DNAAF11: variants seen among roughly 807,000 people sequenced by gnomAD.
DNAAF11 encodes the protein leucine rich repeat containing 6.
A neutral mutation model predicts 60.8 loss-of-function variants in DNAAF11; 45 were observed. The observed-to-expected ratio is 0.74, with a 90% confidence interval of 0.58 to 0.95. The LOEUF (loss-of-function observed/expected upper bound fraction) is 0.95, where lower values mean the gene tolerates loss of function less well. Ranked by LOEUF, DNAAF11 falls within the 40% of genes least tolerant of loss-of-function variation. The pLI is 0.00. For missense variants in DNAAF11, 546 were observed against 546.2 expected, an observed-to-expected ratio of 1.00 and a Z score of 0.00; for synonymous variants, 191 against 183.5, an observed-to-expected ratio of 1.04 and a Z score of -0.33.
At chr8:132,597,606 A>AC (rs1230315340) in intron 10 of DNAAF11, among the ~76,000 whole-genome samples, 5 of 152,114 alleles carry the variant, frequency 3.3e-5, no homozygotes, top group Admixed American at 1.3e-4. Flanking sequence ...AGAAAAGACA[A>AC]CCCCTTGGTC....
At chr8:132,695,698 C>A in the DNAAF11 span, among the ~76,000 whole-genome samples, 1 of 151,696 alleles carries the variant, frequency 6.6e-6, no homozygotes, top group Non-Finnish European at 1.5e-5. Flanking sequence ...CACCACCAAA[C>A]ACACCATGAG....
intron 3 of DNAAF11, among the ~76,000 whole-genome samples, chr8:132,651,804 C>G (rs1344000980): frequency 2.0e-5 from 3 of 152,128 alleles, no homozygotes; most frequent in African/African-American, 4.8e-5. Context: ...CATGGACATA[C>G]AGTAAATTTT....
intron 3 of DNAAF11, among the ~76,000 whole-genome samples, chr8:132,647,277 AG>A (rs1406727585): frequency 5.3e-5 from 8 of 152,232 alleles, no homozygotes; most frequent in Non-Finnish European, 8.8e-5. Context: ...GCAGAAATAA[AG>A]ATGAGAAACC....
intron 5 of DNAAF11, among the ~76,000 whole-genome samples, chr8:132,628,269 G>A (rs1444770519): frequency 2.6e-5 from 4 of 151,974 alleles, no homozygotes; most frequent in Admixed American, 6.6e-5. Flanking sequence ...AAAATTACTC[G>A]GGCATGGTGG....
rs111659895 is a variant in DNAAF11 at position 132,582,938 on chromosome 8, T to C, written c.1226+756A>G. ...AGAAGAACTGAGAAAGGGGAGAGCTTTGTGCAAATTACTTTAAGGGATGTC... is the reference window on the plus strand; with the variant it reads ...AGAAGAACTGAGAAAGGGGAGAGCTCTGTGCAAATTACTTTAAGGGATGTC... On this transcript the variant is annotated intron_variant, in intron 11 of 11. Coordinates refer to ENST00000620350, the MANE Select transcript of DNAAF11 (RefSeq NM_012472.6). Among the ~76,000 whole-genome samples, 605 of 152,242 alleles carry C rather than the reference T, an allele frequency of 4.0e-3. 11 individuals carry two copies. The highest frequency in any genetic ancestry group is 0.014 in the African/African-American group (584 of 41,538).
At chr8:132,661,858 C>T (rs1290622912) in intron 1 of DNAAF11, among the ~76,000 whole-genome samples, 1 of 152,098 alleles carries the variant, frequency 6.6e-6, no homozygotes, top group Non-Finnish European at 1.5e-5. Flanking sequence ...TTGTATTTGC[C>T]TTTGAATGTG....
At chr8:132,650,686 G>A (rs191408002) in intron 3 of DNAAF11, among the ~76,000 whole-genome samples, 62 of 152,252 alleles carry the variant, frequency 4.1e-4, no homozygotes, top group Middle Eastern at 6.8e-3. Flanking sequence ...TGGCAAAAAT[G>A]ACAGATGAAT....
At chr8:132,596,062 G>C (rs1348509186) in intron 10 of DNAAF11, among the ~76,000 whole-genome samples, 1 of 152,138 alleles carries the variant, frequency 6.6e-6, no homozygotes, top group African/African-American at 2.4e-5. Context: ...ACTATGGGAG[G>C]AGCAGGTCTG....
At chr8:132,605,199 G>A (rs772437296) in intron 10 of DNAAF11, among the ~76,000 whole-genome samples, 2 of 152,132 alleles carry the variant, frequency 1.3e-5, no homozygotes, top group Non-Finnish European at 2.9e-5. Flanking sequence ...GAGGCACAGA[G>A]AGATGAATAA....
chr8:132,681,003 C>CTTTTTTT, the DNAAF11 span, among the ~76,000 whole-genome samples: 17,755 of 52,188 alleles, frequency 0.34, 6,264 homozygotes, highest in South Asian at 0.52. Flanking sequence ...ATAACTATTC[C>CTTTTTTT]TTTTTTTTTT....
At chr8:132,701,070 T>A in the DNAAF11 span, among the ~76,000 whole-genome samples, 1 of 152,176 alleles carries the variant, frequency 6.6e-6, no homozygotes, top group Non-Finnish European at 1.5e-5. Context: ...GGGGGCTTGC[T>A]CTTTTATAAT....
intron 8 of DNAAF11, among the ~76,000 whole-genome samples, chr8:132,613,779 C>T (rs900744256): frequency 1.3e-5 from 2 of 152,204 alleles, no homozygotes; most frequent in African/African-American, 4.8e-5. Flanking sequence ...TGACAAGACT[C>T]ACTCTTGGAA....
chr8:132,582,310 C>T (rs1009506692), intron 11 of DNAAF11, among the ~76,000 whole-genome samples: 1 of 152,134 alleles, frequency 6.6e-6, no homozygotes, highest in East Asian at 1.9e-4. Flanking sequence ...AAAGGCTTTG[C>T]AAAAATACCA....
chr8:132,702,392 T>G, the DNAAF11 span, among the ~76,000 whole-genome samples: 1 of 152,332 alleles, frequency 6.6e-6, no homozygotes, highest in Admixed American at 6.5e-5. Context: ...ATTTTTGCCT[T>G]TATACCATTC....
At chr8:132,634,046 GA>G (rs895770432) in intron 4 of DNAAF11, among the ~76,000 whole-genome samples, 25 of 148,788 alleles carry the variant, frequency 1.7e-4, no homozygotes, top group African/African-American at 4.9e-4. Context: ...CATAAAAAAG[GA>G]AAAAAAAATA....
chr8:132,595,617 C>T (rs561035497), intron 10 of DNAAF11, among the ~76,000 whole-genome samples: 5 of 152,160 alleles, frequency 3.3e-5, no homozygotes, highest in African/African-American at 1.2e-4. Flanking sequence ...GAAATAATTA[C>T]ACCTGAGCAC....
chr8:132,634,708 A>G (rs1254825655), intron 4 of DNAAF11, among the ~76,000 whole-genome samples: 1 of 149,292 alleles, frequency 6.7e-6, no homozygotes, highest in Non-Finnish European at 1.5e-5. Context: ...TACTATATAA[A>G]TAAAGCACTT....
At chr8:132,582,087 C>T (rs577945366) in intron 11 of DNAAF11, among the ~76,000 whole-genome samples, 1 of 152,296 alleles carries the variant, frequency 6.6e-6, no homozygotes, top group African/African-American at 2.4e-5. Context: ...CATCTACAGT[C>T]CTTTGCCTAA....
chr8:132,637,214 A>C (rs558053186), intron 4 of DNAAF11, among the ~76,000 whole-genome samples: 1 of 152,342 alleles, frequency 6.6e-6, no homozygotes, highest in East Asian at 1.9e-4. Flanking sequence ...GAAATGTGAA[A>C]TCTCAGGCCC....
Sources: gnomAD v4.1 joint callset for allele counts (sites outside exome capture counted in the v4.1 genomes callset) on GRCh38, gnomAD v4.1.1 for gene constraint, MANE v1.5 for transcripts, NCBI Gene and HGNC (gene_info 2026-07-23, HGNC 2026-07-21) for gene names.